TIAM1: variants seen among roughly 807,000 people sequenced by gnomAD.
The protein encoded by TIAM1 is TIAM Rac1 associated GEF 1.
Under a neutral mutation model 163.5 loss-of-function variants are expected in TIAM1, and 65 were observed. The ratio of observed to expected loss-of-function variants is 0.40; its 90% CI spans 0.33 to 0.49. The LOEUF is 0.49. TIAM1 is among the 20% of genes least tolerant of loss of function. TIAM1 has a pLI of 0.77. For missense variants in TIAM1, 1,789 were observed against 2,044.7 expected (o/e 0.87, Z 2.41); for synonymous variants, 833 against 810.1 (o/e 1.03, Z -0.48).
rs1384510058 is a variant in TIAM1 at position 31,221,050 on chromosome 21, G to A, written c.1995+2356C>T. Reference sequence around the variant, plus strand: ...CTTCCTCCTCCCCCACTAAAAAGAAGAAAAAAAATTTCTGGACAAAGACTA... The same window carrying A: ...CTTCCTCCTCCCCCACTAAAAAGAAAAAAAAAAATTTCTGGACAAAGACTA... On this transcript the variant is annotated intron_variant, in intron 8 of 27. Transcript: ENST00000541036. Among the ~76,000 whole-genome samples the A allele has an allele frequency of 1.1e-4, 17 of 151,526 alleles. No individual in the cohort carries two copies. The East Asian group carries it at 2.3e-3, about 21-fold the overall frequency.
intron 2 of TIAM1, chr21:31,452,443 A>G (rs2044899730): frequency 2.4e-6 from 1 of 423,224 alleles, no homozygotes; most frequent in Non-Finnish European, 4.4e-6. Context: ...AACAACAACA[A>G]CAAAAGAAAG....
At chr21:31,366,101 A>G (rs1461774775) in intron 2 of TIAM1, among the ~76,000 whole-genome samples, 1 of 151,480 alleles carries the variant, frequency 6.6e-6, no homozygotes, top group Non-Finnish European at 1.5e-5. Flanking sequence ...AAAAAAAAAA[A>G]AAAAAAAAGT....
At chr21:31,527,688 C>T (rs961964358) in intron 1 of TIAM1, among the ~76,000 whole-genome samples, 1 of 152,022 alleles carries the variant, frequency 6.6e-6, no homozygotes, top group African/African-American at 2.4e-5. Context: ...ACCTGCCCCA[C>T]CCCATTCCAC....
intron 1 of TIAM1, among the ~76,000 whole-genome samples, chr21:31,554,000 G>A (rs1306322069): frequency 6.6e-6 from 1 of 152,130 alleles, no homozygotes. Flanking sequence ...CCAAGAGCAG[G>A]AACTAGGATT....
rs555696193 is a variant in TIAM1 at position 31,500,181 on chromosome 21, T to TA, written c.-421-36147dup. Among the ~76,000 whole-genome samples the TA allele has an allele frequency of 6.1e-3, 921 of 151,852 alleles. 6 individuals carry two copies. The highest frequency in any genetic ancestry group is 0.011 in the Non-Finnish European group (748 of 67,936). On this transcript the variant is annotated intron_variant, in intron 1 of 28. Coordinates refer to the TIAM1 transcript ENST00000286827. ...CTCCATCTCAAAAAATAAAATAAAA[T>TA]AAATAAAAACAAAGAGGAGTGGTAG...
At chr21:31,479,909 C>T (rs934869000) in intron 1 of TIAM1, among the ~76,000 whole-genome samples, 3 of 152,132 alleles carry the variant, frequency 2.0e-5, no homozygotes, top group African/African-American at 7.2e-5. Flanking sequence ...CCTGAGATGC[C>T]CCTACACGTG....
chr21:31,365,385 TTC>T (rs1359703070), intron 2 of TIAM1, among the ~76,000 whole-genome samples: 13 of 144,954 alleles, frequency 9.0e-5, no homozygotes, highest in South Asian at 4.5e-4. Context: ...ACTTATTTCT[TTC>T]TTTTTTTTTT....
chr21:31,246,833 T>C (rs2071526880), intron 5 of TIAM1, among the ~76,000 whole-genome samples: 4 of 152,068 alleles, frequency 2.6e-5, no homozygotes, highest in Admixed American at 2.6e-4. Flanking sequence ...TTATTTCACA[T>C]TTTTTTTCTC....
chr21:31,144,830 GAA>G (rs764835303), intron 20 of TIAM1, among the ~76,000 whole-genome samples: 128 of 74,502 alleles, frequency 1.7e-3, no homozygotes, highest in African/African-American at 4.9e-3. Flanking sequence ...CTCCATCTCA[GAA>G]AAAAAAAAAA....
At chr21:31,184,736 T>C (rs2085198904) in intron 14 of TIAM1, among the ~76,000 whole-genome samples, 1 of 152,068 alleles carries the variant, frequency 6.6e-6, no homozygotes, top group Non-Finnish European at 1.5e-5. Context: ...TGCTCTTAGC[T>C]GAGATACAGC....
At chr21:31,457,347 A>G (rs2045144158) in intron 2 of TIAM1, among the ~76,000 whole-genome samples, 1 of 152,208 alleles carries the variant, frequency 6.6e-6, no homozygotes, top group Non-Finnish European at 1.5e-5. Flanking sequence ...CTTTAAATTA[A>G]AGGCATTGAA....
At chr21:31,493,033 T>A (rs2147426016) in intron 1 of TIAM1, among the ~76,000 whole-genome samples, 1 of 152,292 alleles carries the variant, frequency 6.6e-6, no homozygotes, top group Admixed American at 6.5e-5. Flanking sequence ...CTGTATGTTC[T>A]CAGATATCTC....
chr21:31,273,676 A>G (rs895693079), intron 3 of TIAM1, among the ~76,000 whole-genome samples: 1 of 152,234 alleles, frequency 6.6e-6, no homozygotes, highest in African/African-American at 2.4e-5. Context: ...GTATCACAAC[A>G]TAATATTCAA....
intron 10 of TIAM1, 82 bp downstream of exon 10, chr21:31,213,316 G>T: frequency 8.4e-7 from 1 of 1,184,830 alleles, no homozygotes; most frequent in East Asian, 2.6e-5. Flanking sequence ...CTTAATTTTA[G>T]TAGCTCAAGA....
chr21:31,488,741 C>T (rs966046590), intron 1 of TIAM1, among the ~76,000 whole-genome samples: 1 of 152,074 alleles, frequency 6.6e-6, no homozygotes, highest in Non-Finnish European at 1.5e-5. Context: ...CAATTATCTC[C>T]ACCTGGCCCC....
At chr21:31,528,730 G>A (rs537808119) in intron 1 of TIAM1, among the ~76,000 whole-genome samples, 3 of 146,050 alleles carry the variant, frequency 2.1e-5, no homozygotes, top group African/African-American at 5.1e-5. Flanking sequence ...GCTTGAACCC[G>A]GGAGGCGGAG....
Position 31,124,470 on chromosome 21 carries a change from T to A in TIAM1, c.4306+52A>T. The A allele has an allele frequency of 3.1e-6, 5 of 1,606,376 alleles. No individual in the cohort carries two copies. In the South Asian group the frequency reaches 5.6e-5, roughly 18 times the overall value. Reference sequence around the variant, plus strand: ...AAGGAGGTCAAGCTCACTGGAGTTCTACTGCGGAGTGGGGGTGACGGGAAT... The same window carrying A: ...AAGGAGGTCAAGCTCACTGGAGTTCAACTGCGGAGTGGGGGTGACGGGAAT... On this transcript the variant is annotated intron_variant, in intron 27 of 27. Coordinates refer to ENST00000541036, the MANE Select transcript of TIAM1 (RefSeq NM_001353694.2).
chr21:31,323,596 C>T (rs1273318661), intron 2 of TIAM1, among the ~76,000 whole-genome samples: 7 of 151,840 alleles, frequency 4.6e-5, no homozygotes, highest in African/African-American at 7.3e-5. Context: ...TTTGGGAGGC[C>T]GAGGCGGGTG....
At chr21:31,444,961 G>A (rs1239693128) in intron 2 of TIAM1, among the ~76,000 whole-genome samples, 1 of 151,956 alleles carries the variant, frequency 6.6e-6, no homozygotes, top group Non-Finnish European at 1.5e-5. Context: ...TCACGCCATT[G>A]CACTTCAGCC....
Sources: gnomAD v4.1 joint callset for allele counts (sites outside exome capture counted in the v4.1 genomes callset) on GRCh38, gnomAD v4.1.1 for gene constraint, MANE v1.5 for transcripts, NCBI Gene and HGNC (gene_info 2026-07-23, HGNC 2026-07-21) for gene names.